Variants in MAP3K20 observed in about 807,000 individuals in gnomAD.
MAP3K20 encodes the protein mitogen-activated protein kinase kinase kinase 20.
Under a neutral mutation model 85.7 loss-of-function variants are expected in MAP3K20, and 40 were observed. The observed-to-expected ratio is 0.47, with a 90% CI of 0.36 to 0.61. The LOEUF (loss-of-function observed/expected upper bound fraction) is 0.61, where lower values mean the gene tolerates loss of function less well. Ranked by LOEUF, MAP3K20 falls within the 20% of genes least tolerant of loss-of-function variation. The pLI is 0.00. For missense variants in MAP3K20, 817 were observed against 961.7 expected (o/e 0.85, Z 1.99); for synonymous variants, 325 against 327.7 (o/e 0.99, Z 0.09).
intron 19 of MAP3K20, among the ~76,000 whole-genome samples, chr2:173,264,141 A>G (rs1685358724): frequency 6.6e-6 from 1 of 152,220 alleles, no homozygotes; most frequent in Non-Finnish European, 1.5e-5. Flanking sequence ...GCCCAAACCC[A>G]GACTTACTGA....
chr2:173,137,657 T>G (rs975575423), intron 2 of MAP3K20, among the ~76,000 whole-genome samples: 1 of 152,206 alleles, frequency 6.6e-6, no homozygotes, highest in African/African-American at 2.4e-5. Context: ...TTATAAAATA[T>G]TCTTTTGAGA....
chr2:173,259,995 G>A (rs1260920446), intron 17 of MAP3K20, among the ~76,000 whole-genome samples: 2 of 151,856 alleles, frequency 1.3e-5, no homozygotes, highest in African/African-American at 2.4e-5. Flanking sequence ...CAGACCAATC[G>A]AAAGTTATAG....
chr2:173,076,199 G>A (rs1686853080), intron 1 of MAP3K20, among the ~76,000 whole-genome samples, 197 bp downstream of exon 1: 1 of 151,552 alleles, frequency 6.6e-6, no homozygotes, highest in Admixed American at 6.6e-5. Context: ...GCGGGCGGGC[G>A]AGCGAGCGAG....
At chr2:173,203,287 C>T (rs768624114) in intron 8 of MAP3K20, among the ~76,000 whole-genome samples, 12 of 152,044 alleles carry the variant, frequency 7.9e-5, no homozygotes, top group African/African-American at 2.7e-4. Flanking sequence ...AAAACAAAGC[C>T]GTAATCAGTC....
chr2:173,161,186 T>G (rs1048430077), intron 2 of MAP3K20, among the ~76,000 whole-genome samples: 1 of 152,238 alleles, frequency 6.6e-6, no homozygotes, highest in Non-Finnish European at 1.5e-5. Flanking sequence ...ATTGTGCTCA[T>G]GTAATTGCCT....
chr2:173,076,557 T>A (rs1573991259), intron 1 of MAP3K20, among the ~76,000 whole-genome samples: 1 of 152,262 alleles, frequency 6.6e-6, no homozygotes, highest in East Asian at 1.9e-4. Context: ...TTGCTTCCCA[T>A]CCATTTTCCT....
At chr2:173,196,082 C>T (rs899025443) in intron 7 of MAP3K20, among the ~76,000 whole-genome samples, 3 of 57,864 alleles carry the variant, frequency 5.2e-5, no homozygotes, top group African/African-American at 1.1e-4. Flanking sequence ...CACATGTACA[C>T]GGCGTGTTTA....
At chr2:173,256,546 CAGAT>C (rs1313731533) in intron 16 of MAP3K20, among the ~76,000 whole-genome samples, 236 of 151,902 alleles carry the variant, frequency 1.6e-3, no homozygotes, top group African/African-American at 5.2e-3. Flanking sequence ...GACAGACAGA[CAGAT>C]AGAGAGAATG....
At chr2:173,173,838 T>C (rs1690077605) in intron 3 of MAP3K20, among the ~76,000 whole-genome samples, 1 of 152,232 alleles carries the variant, frequency 6.6e-6, no homozygotes. Flanking sequence ...TTTACATTTT[T>C]CAAAGCCAGC....
In MAP3K20 at chr2:173,232,443, A is replaced by G. The variant is rs201739610; in HGVS notation, c.1187A>G (p.His396Arg). Residue 396 changes from histidine (H) to arginine (R), a missense_variant, in exon 14 of 20, where the codon CAT becomes CGT. Coordinates refer to ENST00000375213, the MANE Select transcript of MAP3K20 (RefSeq NM_016653.3). ...GACATGGGCATTGTCTCCAAGGGGC[A>G]TATCATTCACTTCAAGGTACCTGAG... ...LKDMGIVSKGHIIHFKSAIEK... is the reference protein window; with the variant it reads ...LKDMGIVSKGRIIHFKSAIEK... 1.2e-6 allele frequency: 2 copies of G among 1,614,098 alleles called. No homozygotes were observed. Among genetic ancestry groups the G allele is most frequent in the African/African-American group, 2.7e-5 (2 of 75,050 alleles).
At chr2:173,187,733 C>CA in intron 5 of MAP3K20, 110 bp downstream of exon 5, 3 of 879,282 alleles carry the variant, frequency 3.4e-6, no homozygotes, top group Non-Finnish European at 5.2e-6. Context: ...CTATTGGACT[C>CA]ACTGCTGATA....
At chr2:173,119,796 C>T (rs1444362016) in intron 2 of MAP3K20, among the ~76,000 whole-genome samples, 1 of 152,208 alleles carries the variant, frequency 6.6e-6, no homozygotes, top group Non-Finnish European at 1.5e-5. Context: ...ACCCTTTCCC[C>T]CAAATGAGAT....
chr2:173,195,188 TAAA>T (rs34601946), intron 7 of MAP3K20, among the ~76,000 whole-genome samples: 67 of 122,790 alleles, frequency 5.5e-4, no homozygotes, highest in East Asian at 1.5e-3. Context: ...AGCCTCTCTT[TAAA>T]AAAAAAAAAA....
chr2:173,099,738 T>A (rs1687580235), intron 2 of MAP3K20, among the ~76,000 whole-genome samples: 1 of 152,190 alleles, frequency 6.6e-6, no homozygotes, highest in African/African-American at 2.4e-5. Flanking sequence ...ATACCCATAG[T>A]ACTAATTTGA....
intron 3 of MAP3K20, among the ~76,000 whole-genome samples, chr2:173,181,090 T>A (rs963054310): frequency 2.6e-5 from 4 of 152,148 alleles, no homozygotes; most frequent in African/African-American, 9.7e-5. Context: ...GATATTTTGC[T>A]TAAGAATATA....
At chr2:173,173,917 G>A (rs1471477662) in intron 3 of MAP3K20, among the ~76,000 whole-genome samples, 1 of 152,152 alleles carries the variant, frequency 6.6e-6, no homozygotes, top group East Asian at 1.9e-4. Context: ...GCTTAATGTG[G>A]TTCTTAATGA....
At chr2:173,212,359 GAAAT>G (rs1338112649) in intron 10 of MAP3K20, 4 of 151,988 alleles carry the variant, frequency 2.6e-5, no homozygotes, top group Non-Finnish European at 5.9e-5. Context: ...TTATGACAGA[GAAAT>G]ATACTAGATG....
chr2:173,183,381 T>C (rs1690388524), intron 4 of MAP3K20, among the ~76,000 whole-genome samples: 1 of 152,166 alleles, frequency 6.6e-6, no homozygotes, highest in Non-Finnish European at 1.5e-5. Flanking sequence ...ATGCTAAAAA[T>C]AGAAACCACT....
intron 16 of MAP3K20, among the ~76,000 whole-genome samples, chr2:173,245,229 T>A (rs531527200): frequency 1.1e-4 from 17 of 152,262 alleles, no homozygotes; most frequent in African/African-American, 3.9e-4. Flanking sequence ...GGAAAAACCC[T>A]GTCCACCTTT....
Sources: allele counts gnomAD v4.1 joint callset (sites outside exome capture counted in the v4.1 genomes callset), GRCh38; gene constraint gnomAD v4.1.1; transcripts MANE v1.5; gene names NCBI Gene and HGNC (gene_info 2026-07-23, HGNC 2026-07-21).